The following CTBP2 variants were observed in gnomAD, a reference collection of about 807,000 sequenced individuals.
CTBP2 encodes the protein C-terminal-binding protein 2.
In CTBP2, 30 loss-of-function variants were observed where a neutral mutation model predicts 80.3. That is an observed-to-expected ratio of 0.37 (90% CI 0.28 to 0.51). The LOEUF is 0.51. Among genes scored for constraint, CTBP2 ranks in the 20% least tolerant of loss-of-function variants. The probability of loss-of-function intolerance (pLI) is 0.93; values close to 1 mark genes in which losing one functional copy is unlikely to be tolerated. For missense variants in CTBP2, 1,212 were observed against 1,375.3 expected (o/e 0.88, Z 1.88); for synonymous variants, 594 against 587.4 (o/e 1.01, Z -0.16).
At chr10:125,058,193 T>A (rs558329309) in intron 2 of CTBP2, among the ~76,000 whole-genome samples, 1 of 152,012 alleles carries the variant, frequency 6.6e-6, no homozygotes, top group Non-Finnish European at 1.5e-5. Flanking sequence ...GAGGTCCCAG[T>A]TGCACCCAGC....
At chr10:125,138,176 A>C (rs1366744307) in intron 1 of CTBP2, 1 of 152,154 alleles carries the variant, frequency 6.6e-6, no homozygotes, top group Non-Finnish European at 1.5e-5. Context: ...TCCCACCCAG[A>C]CTTGGCTGGT....
chr10:125,010,522 T>C (rs1020926718), intron 1 of CTBP2, among the ~76,000 whole-genome samples: 10 of 152,254 alleles, frequency 6.6e-5, no homozygotes, highest in Non-Finnish European at 1.3e-4. Flanking sequence ...CCTCCCACCA[T>C]GCAATGCAAA....
In CTBP2 at chr10:125,038,989, G is replaced by T. The variant is rs367750733; in HGVS notation, c.58+8C>A. 1 of 1,613,092 alleles carries T rather than the reference G, an allele frequency of 6.2e-7. No individual in the cohort carries two copies. The highest frequency in any genetic ancestry group is 8.5e-7 in the Non-Finnish European group (1 of 1,179,560). ...ATGTTTGGTAAAAACCGCCAAACAC[G>T]CTCTTACCTTCACAAATTCTGTCCA... On this transcript the variant is annotated splice_region_variant and intron_variant, in intron 3 of 10. Coordinates refer to the CTBP2 transcript ENST00000337195.
intron 2 of CTBP2, among the ~76,000 whole-genome samples, chr10:125,055,865 G>T (rs766693224): frequency 1.3e-5 from 2 of 152,186 alleles, no homozygotes; most frequent in Non-Finnish European, 2.9e-5. Flanking sequence ...CTGCATGCAT[G>T]ACTTTAAAAG....
intron 1 of CTBP2, among the ~76,000 whole-genome samples, chr10:125,023,756 C>A (rs553702959): frequency 6.6e-6 from 1 of 152,090 alleles, no homozygotes; most frequent in African/African-American, 2.4e-5. Flanking sequence ...GCAGGTAGTT[C>A]GTGGACTGAG....
chr10:125,070,720 C>T (rs1845341544), intron 2 of CTBP2, among the ~76,000 whole-genome samples: 1 of 152,058 alleles, frequency 6.6e-6, no homozygotes, highest in African/African-American at 2.4e-5. Flanking sequence ...GGCTGGAGTG[C>T]AGTGGTGTGA....
chr10:125,100,504 A>G (rs1000564302), intron 2 of CTBP2: 13 of 152,318 alleles, frequency 8.5e-5, no homozygotes, highest in Admixed American at 4.6e-4. Context: ...ACGTACACAA[A>G]TCAAAGGAAC....
At chr10:125,052,709 C>T (rs1379918016) in intron 2 of CTBP2, among the ~76,000 whole-genome samples, 1 of 152,206 alleles carries the variant, frequency 6.6e-6, no homozygotes, top group African/African-American at 2.4e-5. Flanking sequence ...CTTTGTGTAT[C>T]ATAGTGTGGG....
At chr10:125,137,198 A>G (rs1857103921) in intron 1 of CTBP2, among the ~76,000 whole-genome samples, 1 of 152,232 alleles carries the variant, frequency 6.6e-6, no homozygotes, top group Non-Finnish European at 1.5e-5. Context: ...AGAAATCAAG[A>G]CAACAGGAAG....
Position 124,988,170 on chromosome 10 carries a change from CTT to C in CTBP2, c.*1346_*1347del, listed in dbSNP as rs996080042. 3 of 152,424 alleles carry C rather than the reference CTT, an allele frequency of 2.0e-5. No individual in the cohort carries two copies. The highest frequency in any genetic ancestry group is 2.1e-4 in the South Asian group (1 of 4,820). 9.4% of individuals were successfully genotyped at this position (152,424 alleles called of 1,614,324 possible). On this transcript the variant is annotated 3_prime_UTR_variant, in exon 9 of 9. Coordinates refer to ENST00000309035, the MANE Select transcript of CTBP2 (RefSeq NM_022802.3). ...GTGAGGTTTTGATTTTTCAATTAAA[CTT>C]TTTGTTATCACAGGTAATTAATTGT...
At chr10:125,101,570 T>C (rs1458426843) in intron 2 of CTBP2, among the ~76,000 whole-genome samples, 1 of 152,128 alleles carries the variant, frequency 6.6e-6, no homozygotes, top group Non-Finnish European at 1.5e-5. Flanking sequence ...AGGAAAACAT[T>C]ATTACCAGGT....
chr10:125,099,206 T>C (rs1850228076), intron 2 of CTBP2, among the ~76,000 whole-genome samples: 1 of 152,236 alleles, frequency 6.6e-6, no homozygotes, highest in Non-Finnish European at 1.5e-5. Context: ...CTGACGTCTG[T>C]TCTTGCCAAG....
intron 1 of CTBP2, among the ~76,000 whole-genome samples, chr10:125,123,782 G>A (rs898930637): frequency 3.3e-5 from 5 of 152,208 alleles, no homozygotes; most frequent in East Asian, 1.9e-4. Context: ...CTCGTGCTAC[G>A]TCAATTCTTT....
In CTBP2 at chr10:125,153,471, C is replaced by A. The variant is rs138556407; in HGVS notation, c.-206+6848G>T. Reference sequence around the variant, plus strand: ...ATCCATCAGCAAAATAATAAACTCACAGCTAGAGCTCATTTAAAAGGAAAG... The same window carrying A: ...ATCCATCAGCAAAATAATAAACTCAAAGCTAGAGCTCATTTAAAAGGAAAG... On this transcript the variant is annotated intron_variant, in intron 1 of 10. Coordinates refer to the CTBP2 transcript ENST00000337195. 2.0e-5 allele frequency among the ~76,000 whole-genome samples: 3 copies of A among 152,364 alleles called. No individual in the cohort carries two copies. In the East Asian group the frequency reaches 5.8e-4, roughly 29 times the overall value.
intron 2 of CTBP2, among the ~76,000 whole-genome samples, chr10:125,080,018 T>G (rs949740694): frequency 1.3e-5 from 2 of 152,226 alleles, no homozygotes; most frequent in Non-Finnish European, 2.9e-5. Context: ...ACCTGAGCAT[T>G]TAAGTGATCC....
intron 2 of CTBP2, among the ~76,000 whole-genome samples, chr10:125,084,653 C>T (rs1378314356): frequency 3.9e-5 from 6 of 152,186 alleles, no homozygotes; most frequent in Non-Finnish European, 8.8e-5. Flanking sequence ...GTGAAGCACT[C>T]AGAAGCACAG....
chr10:125,092,302 T>C (rs1848894444), intron 2 of CTBP2, among the ~76,000 whole-genome samples: 1 of 150,978 alleles, frequency 6.6e-6, no homozygotes, highest in Admixed American at 6.6e-5. Flanking sequence ...GAGATTCTCC[T>C]GCCTCAGCCT....
Position 124,989,392 on chromosome 10 carries a change from C to T in CTBP2, c.*126G>A, listed in dbSNP as rs76994503. The T allele has an allele frequency of 9.5e-7, 1 of 1,057,052 alleles. No individual in the cohort carries two copies. Among genetic ancestry groups the T allele is most frequent in the Non-Finnish European group, 1.5e-6 (1 of 681,848 alleles). 65.5% of individuals were successfully genotyped at this position (1,057,052 alleles called of 1,614,324 possible). A position where few individuals can be genotyped will look rare whatever the true frequency, so the allele number is the denominator to read the frequency against. ...AGCTCTTGTAGTTTCAACACTGCAA[C>T]ATCAATGATGCATATGTCCAGAATC... On this transcript the variant is annotated 3_prime_UTR_variant, in exon 9 of 9. Transcript: ENST00000309035.
At chr10:125,124,333 G>C (rs61869200) in intron 1 of CTBP2, among the ~76,000 whole-genome samples, 1 of 152,178 alleles carries the variant, frequency 6.6e-6, no homozygotes, top group Admixed American at 6.5e-5. Flanking sequence ...AGCACTCCCG[G>C]TAACTCCCCG....
Sources: allele counts gnomAD v4.1 joint callset (sites outside exome capture counted in the v4.1 genomes callset), GRCh38; gene constraint gnomAD v4.1.1; transcripts MANE v1.5; gene names NCBI Gene and HGNC (gene_info 2026-07-23, HGNC 2026-07-21).